The following HOXB3 variants were observed in gnomAD, a reference collection of about 807,000 sequenced individuals.
The protein encoded by HOXB3 is homeobox protein Hox-B3.
HOXB3 carries 17 observed loss-of-function variants against 29.2 expected under a neutral mutation model. That is an observed-to-expected ratio of 0.58 (90% CI 0.40 to 0.87). The LOEUF (loss-of-function observed/expected upper bound fraction) is 0.87, where lower values mean the gene tolerates loss of function less well. HOXB3 is among the 40% of genes least tolerant of loss of function. The pLI is 0.00. For missense variants in HOXB3, 637 were observed against 616.3 expected, an observed-to-expected ratio of 1.03 and a Z score of -0.35; for synonymous variants, 317 against 285.9, an observed-to-expected ratio of 1.11 and a Z score of -1.10.
At chr17:48,572,918 G>A (rs1318228496) in intron 2 of HOXB3, among the ~76,000 whole-genome samples, 1 of 152,092 alleles carries the variant, frequency 6.6e-6, no homozygotes, top group Non-Finnish European at 1.5e-5. Context: ...TCATTTTGTG[G>A]TTCTAATACT....
chr17:48,588,324 A>G lies in HOXB3; in HGVS notation c.-425+1801T>C, dbSNP rs1378374993. Reference sequence around the variant, plus strand: ...CACTGAGGTGGAAGTGGGCACCCCAATTTGCTCTTTGCCATCCTGGAAAAT... The same window carrying G: ...CACTGAGGTGGAAGTGGGCACCCCAGTTTGCTCTTTGCCATCCTGGAAAAT... On this transcript the variant is annotated intron_variant, in intron 1 of 4. Transcript: ENST00000498678. Among the ~76,000 whole-genome samples, 16 of 152,292 alleles carry G rather than the reference A, an allele frequency of 1.1e-4. No individual in the cohort carries two copies. The South Asian group carries it at 1.7e-3, about 16-fold the overall frequency.
At chr17:48,588,107 G>A (rs902553386) in intron 1 of HOXB3, among the ~76,000 whole-genome samples, 2 of 152,212 alleles carry the variant, frequency 1.3e-5, no homozygotes, top group African/African-American at 2.4e-5. Flanking sequence ...GAGGTCTGGG[G>A]CAGAGGAGAG....
In HOXB3 at chr17:48,573,863, CG is replaced by C. The variant is rs1567961129; in HGVS notation, c.-274del. The C allele has an allele frequency of 1.4e-6, 1 of 702,278 alleles. No individual in the cohort carries two copies. The allele number at this position is 702,278 out of a possible 1,614,324, so 43.5% of individuals were successfully genotyped here. ...TTTGCGCCTCTCGCCTCCTCTCGCC[CG>C]AACTCTGCAGATCCCATTCATGACG... On this transcript the variant is annotated 5_prime_UTR_variant, in exon 2 of 5. It introduces an in-frame stop codon into an upstream open reading frame of the 5' UTR. Coordinates refer to ENST00000498678, the MANE Select transcript of HOXB3 (RefSeq NM_001384749.1).
rs2068655736 is a variant in HOXB3 at position 48,550,079 on chromosome 17, T to C, written c.*255A>G. The C allele has an allele frequency of 2.1e-6, 1 of 474,908 alleles. No individual in the cohort carries two copies. 29.4% of individuals were successfully genotyped at this position (474,908 alleles called of 1,614,324 possible). A position where few individuals can be genotyped will look rare whatever the true frequency, so the allele number is the denominator to read the frequency against. ...TTCCAACTTGGTAGTGCTGGAGCCCTGGGGTTGATGGGGTCATCTCCAATA... is the reference window on the plus strand; with the variant it reads ...TTCCAACTTGGTAGTGCTGGAGCCCCGGGGTTGATGGGGTCATCTCCAATA... On this transcript the variant is annotated 3_prime_UTR_variant, in exon 5 of 5. Transcript: ENST00000498678.
chr17:48,552,140 C>G lies in HOXB3; in HGVS notation c.335G>C (p.Ser112Thr). ...NSSNGGGPSK[S>T]GPPKCGPGTN... is the part of the protein sequence containing the mutation. ...GCCGGGACCGCACTTTGGGGGACCA[C>G]TTTTGCTGGGCCCGCCCCCATTACT... is the stretch of plus-strand genomic sequence containing the variant. Residue 112 changes from serine to threonine, a missense_variant, in exon 4 of 5, where the codon AGT becomes ACT. Physicochemically the swap from Ser to Thr is moderately conservative, Grantham distance 58. Coordinates refer to ENST00000498678, the MANE Select transcript of HOXB3 (RefSeq NM_001384749.1). 1 of 1,613,994 alleles carries G rather than the reference C, an allele frequency of 6.2e-7. No individual in the cohort carries two copies. Among genetic ancestry groups the G allele is most frequent in the South Asian group, 1.1e-5 (1 of 91,048 alleles).
At chr17:48,579,841 G>A (rs1398642498) in intron 1 of HOXB3, 2 of 495,050 alleles carry the variant, frequency 4.0e-6, no homozygotes, top group Non-Finnish European at 8.1e-6. Context: ...AAAAATAAGA[G>A]CGGAGTGTTT....
chr17:48,577,748 T>G, intron 1 of HOXB3: 1 of 946,858 alleles, frequency 1.1e-6, no homozygotes, highest in Non-Finnish European at 1.4e-6. Context: ...AATGGCGAGT[T>G]TATAGCGGGG....
intron 2 of HOXB3, among the ~76,000 whole-genome samples, chr17:48,564,704 A>G (rs934128802): frequency 2.0e-5 from 3 of 151,826 alleles, no homozygotes; most frequent in Non-Finnish European, 4.4e-5. Flanking sequence ...CACACCGGCG[A>G]CTCTTCAATG....
At chr17:48,573,568 G>A (rs1281982853) in intron 2 of HOXB3, among the ~76,000 whole-genome samples, 4 of 152,128 alleles carry the variant, frequency 2.6e-5, no homozygotes, top group African/African-American at 7.2e-5. Flanking sequence ...CAAAACAACC[G>A]TCTTCTCTGG....
chr17:48,554,465 G>C lies in HOXB3; in HGVS notation c.-159+1066C>G. ...GCGGGACGGAGGCCAGGCGAGTGTG[G>C]AAAGCGAAGGAGCCAGAGACGCGAT... On this transcript the variant is annotated intron_variant, in intron 3 of 4. Transcript: ENST00000498678. The surrounding 1 kb of genome is among the most constrained non-coding windows in gnomAD (Gnocchi z 4.1). 1 of 600,918 alleles carries C rather than the reference G, an allele frequency of 1.7e-6. No homozygotes were observed. The highest frequency in any genetic ancestry group is 3.0e-6 in the Non-Finnish European group (1 of 337,548). The allele number at this position is 600,918 out of a possible 1,614,324, so 37.2% of individuals were successfully genotyped here.
At chr17:48,578,889 C>G (rs931147846) in intron 1 of HOXB3, 1 of 153,070 alleles carries the variant, frequency 6.5e-6, no homozygotes, top group Admixed American at 6.5e-5. Flanking sequence ...AAAGGGGAAC[C>G]CATACGGGGG....
chr17:48,566,492 G>A (rs557209577), intron 2 of HOXB3, among the ~76,000 whole-genome samples: 1 of 151,056 alleles, frequency 6.6e-6, no homozygotes, highest in East Asian at 1.9e-4. Flanking sequence ...GGTGGGGGTG[G>A]TTGGTCAGAC....
intron 2 of HOXB3, among the ~76,000 whole-genome samples, chr17:48,570,346 AGAATCAGAGTTCTCG>A (rs1374035507): frequency 7.9e-5 from 12 of 152,354 alleles, no homozygotes; most frequent in African/African-American, 2.9e-4. Flanking sequence ...ACGTGCAACT[AGAATCAGAGTTCTCG>A]GCCGGGGCAT....
intron 2 of HOXB3, among the ~76,000 whole-genome samples, chr17:48,562,048 G>A (rs909021707): frequency 6.6e-6 from 1 of 152,142 alleles, no homozygotes; most frequent in African/African-American, 2.4e-5. Context: ...GCACCAACCC[G>A]ATGCCTGGCC....
chr17:48,589,370 C>T (rs899025879), intron 1 of HOXB3, among the ~76,000 whole-genome samples: 2 of 152,190 alleles, frequency 1.3e-5, no homozygotes, highest in Non-Finnish European at 2.9e-5. Context: ...AAGCTCTTCC[C>T]TTCCCCCACT....
Position 48,550,150 on chromosome 17 carries a change from G to C in HOXB3, c.*184C>G. 2 of 682,316 alleles carry C rather than the reference G, an allele frequency of 2.9e-6. No individual in the cohort carries two copies. Among genetic ancestry groups the C allele is most frequent in the East Asian group, 2.8e-5 (1 of 36,310 alleles). The allele number at this position is 682,316 out of a possible 1,614,324, so 42.3% of individuals were successfully genotyped here. A position where few individuals can be genotyped will look rare whatever the true frequency, so the allele number is the denominator to read the frequency against. On this transcript the variant is annotated 3_prime_UTR_variant, in exon 5 of 5. Coordinates refer to ENST00000498678, the MANE Select transcript of HOXB3 (RefSeq NM_001384749.1). ...TGGGTTGGCAGGCAGATGGAACAAGGGGTGGAAGACTTAAAAGCAACCTCT... is the reference window on the plus strand; with the variant it reads ...TGGGTTGGCAGGCAGATGGAACAAGCGGTGGAAGACTTAAAAGCAACCTCT...
chr17:48,560,672 G>A (rs906793049), intron 2 of HOXB3, among the ~76,000 whole-genome samples: 8 of 152,196 alleles, frequency 5.3e-5, no homozygotes, highest in South Asian at 2.1e-4. Context: ...CCACTCCTTT[G>A]GAACTGGGGG....
chr17:48,561,226 ACT>A (rs1555637572), intron 2 of HOXB3, among the ~76,000 whole-genome samples: 2 of 149,814 alleles, frequency 1.3e-5, no homozygotes, highest in South Asian at 2.1e-4. Context: ...ACACACACAC[ACT>A]GAACAATGAC....
intron 2 of HOXB3, among the ~76,000 whole-genome samples, chr17:48,570,094 G>C (rs1342737638): frequency 2.6e-5 from 4 of 152,118 alleles, no homozygotes; most frequent in Admixed American, 2.6e-4. Flanking sequence ...GAAAAGCTTT[G>C]AAGTCAGCCT....
Sources: allele counts gnomAD v4.1 joint callset (sites outside exome capture counted in the v4.1 genomes callset), GRCh38; gene constraint gnomAD v4.1.1; non-coding constraint Gnocchi (gnomAD v3.1); transcripts MANE v1.5; gene names NCBI Gene and HGNC (gene_info 2026-07-23, HGNC 2026-07-21).